The following IPO11 variants were observed in gnomAD, a reference collection of about 807,000 sequenced individuals.
IPO11 encodes importin 11.
IPO11 carries 66 observed loss-of-function variants against 143.2 expected under a neutral mutation model. That is an observed-to-expected ratio of 0.46 (90% confidence interval 0.38 to 0.57). IPO11 has a LOEUF of 0.57. Among genes scored for constraint, IPO11 ranks in the 20% least tolerant of loss-of-function variants. The pLI is 0.00. For synonymous variants in IPO11, 385 were observed against 377.8 expected (o/e 1.02, Z -0.22); for missense variants, 1,026 against 1,141.0 (o/e 0.90, Z 1.45).
intron 29 of IPO11, among the ~76,000 whole-genome samples, chr5:62,604,106 C>G (rs1161059492): frequency 6.6e-6 from 1 of 152,154 alleles, no homozygotes; most frequent in Non-Finnish European, 1.5e-5. Flanking sequence ...AAGGAACTTG[C>G]CTAACAATGC....
intron 27 of IPO11, chr5:62,581,548 T>G: frequency 2.7e-6 from 1 of 365,576 alleles, no homozygotes; most frequent in South Asian, 7.4e-5. Flanking sequence ...TGCCAAATAT[T>G]TCACATTTCA....
At chr5:62,558,917 C>G (rs1393517547) in intron 26 of IPO11, among the ~76,000 whole-genome samples, 1 of 152,146 alleles carries the variant, frequency 6.6e-6, no homozygotes, top group Non-Finnish European at 1.5e-5. Flanking sequence ...TAGCAAAAGT[C>G]ATATACATTT....
Position 62,447,748 on chromosome 5 carries a change from G to A in IPO11, c.240-2179G>A, listed in dbSNP as rs57689322. Among the ~76,000 whole-genome samples the A allele has an allele frequency of 4.6e-3, 697 of 150,552 alleles. 4 individuals are homozygous for A. The highest frequency in any genetic ancestry group is 0.016 in the African/African-American group (668 of 41,144). On this transcript the variant is annotated intron_variant, in intron 3 of 29. Transcript: ENST00000325324. ...CCACAGGTGCGTGCCACCATGCCTG[G>A]CTAATTTTTGTATTTTTTGGTAGAG... is the stretch of plus-strand genomic sequence containing the variant.
chr5:62,567,491 TA>T (rs1554055752), intron 27 of IPO11, among the ~76,000 whole-genome samples: 21 of 140,344 alleles, frequency 1.5e-4, no homozygotes, highest in South Asian at 4.5e-4. Context: ...TTATTATTAT[TA>T]TTATTTTTTT....
intron 22 of IPO11, among the ~76,000 whole-genome samples, chr5:62,534,653 C>A (rs1244282553): frequency 1.3e-5 from 2 of 152,146 alleles, no homozygotes; most frequent in African/African-American, 2.4e-5. Context: ...GATTTTCAGT[C>A]TTGGCTCTGT....
At chr5:62,621,577 G>A (rs1410964313) in intron 29 of IPO11, among the ~76,000 whole-genome samples, 2 of 152,184 alleles carry the variant, frequency 1.3e-5, no homozygotes, top group African/African-American at 4.8e-5. Context: ...GGGTTTAAGG[G>A]GGAAGGGGAG....
At chr5:62,492,393 A>C (rs1457021152) in intron 15 of IPO11, among the ~76,000 whole-genome samples, 1 of 152,144 alleles carries the variant, frequency 6.6e-6, no homozygotes, top group Non-Finnish European at 1.5e-5. Flanking sequence ...TTTATCTCAA[A>C]GACTTGCTCA....
chr5:62,552,246 A>G (rs1430276975), intron 26 of IPO11, among the ~76,000 whole-genome samples: 1 of 152,160 alleles, frequency 6.6e-6, no homozygotes, highest in Non-Finnish European at 1.5e-5. Context: ...TATATCTACA[A>G]TGGAGACAAT....
intron 27 of IPO11, chr5:62,579,317 T>C: frequency 4.6e-6 from 4 of 868,680 alleles, no homozygotes; most frequent in South Asian, 1.5e-5. Context: ...CTAATTAAAA[T>C]AGAATACAGA....
intron 19 of IPO11, 89 bp downstream of exon 19, chr5:62,506,446 G>T: frequency 1.4e-6 from 1 of 706,564 alleles, no homozygotes; most frequent in Non-Finnish European, 2.4e-6. Context: ...TTGTTTAAGA[G>T]TTAAAACATT....
intron 5 of IPO11, among the ~76,000 whole-genome samples, chr5:62,462,604 C>T (rs1745401343): frequency 6.6e-6 from 1 of 152,100 alleles, no homozygotes; most frequent in African/African-American, 2.4e-5. Context: ...ACTCATAGCT[C>T]ACTGCAACCT....
At chr5:62,448,222 G>A (rs1744788112) in intron 3 of IPO11, among the ~76,000 whole-genome samples, 1 of 151,826 alleles carries the variant, frequency 6.6e-6, no homozygotes, top group Non-Finnish European at 1.5e-5. Flanking sequence ...ATGTCTAGTG[G>A]GCAGGTAGCA....
intron 29 of IPO11, among the ~76,000 whole-genome samples, chr5:62,614,767 C>T (rs562183621): frequency 3.9e-5 from 6 of 152,218 alleles, no homozygotes; most frequent in Non-Finnish European, 7.4e-5. Flanking sequence ...ACAGCTTAAG[C>T]GTTAACCAGC....
intron 27 of IPO11, among the ~76,000 whole-genome samples, chr5:62,567,542 A>G (rs1331816525): frequency 7.9e-6 from 1 of 126,734 alleles, no homozygotes; most frequent in Non-Finnish European, 1.6e-5. Flanking sequence ...TTGAAGGTCA[A>G]TGACTCTTAC....
At chr5:62,546,685 T>A (rs1268705585) in intron 24 of IPO11, among the ~76,000 whole-genome samples, 1 of 152,124 alleles carries the variant, frequency 6.6e-6, no homozygotes. Context: ...CTTTTTGTAA[T>A]AACAAAATGT....
chr5:62,561,349 A>G, intron 27 of IPO11, 92 bp downstream of exon 27: 1 of 547,868 alleles, frequency 1.8e-6, no homozygotes, highest in South Asian at 4.3e-5. Context: ...GTTGCTGGGC[A>G]GTGGTACTTT....
chr5:62,548,930 G>T (rs1743303123), intron 24 of IPO11, among the ~76,000 whole-genome samples: 2 of 151,930 alleles, frequency 1.3e-5, no homozygotes, highest in South Asian at 4.2e-4. Context: ...GGTTTTAGAT[G>T]GGAGTGAAAT....
chr5:62,610,811 A>G (rs566020395), intron 29 of IPO11, among the ~76,000 whole-genome samples: 2 of 152,212 alleles, frequency 1.3e-5, no homozygotes, highest in East Asian at 1.9e-4. Context: ...AATGCTTACC[A>G]TGTGAAAACC....
chr5:62,586,858 CA>C (rs1744814607), intron 27 of IPO11, among the ~76,000 whole-genome samples: 2 of 141,636 alleles, frequency 1.4e-5, no homozygotes, highest in Admixed American at 1.4e-4. Flanking sequence ...CCGATATCTA[CA>C]ATGGTGCTAG....
Sources: gnomAD v4.1 joint callset for allele counts (sites outside exome capture counted in the v4.1 genomes callset) on GRCh38, gnomAD v4.1.1 for gene constraint, MANE v1.5 for transcripts, NCBI Gene and HGNC (gene_info 2026-07-23, HGNC 2026-07-21) for gene names.